MEGF11: variants seen among roughly 807,000 people sequenced by gnomAD.
MEGF11 encodes the protein multiple EGF like domains 11.
In MEGF11, 126 loss-of-function variants were observed where a neutral mutation model predicts 146.6. The ratio of observed to expected loss-of-function variants is 0.86; its 90% confidence interval spans 0.74 to 1.00. The LOEUF (loss-of-function observed/expected upper bound fraction) is 1.00. MEGF11 is among the 50% of genes least tolerant of loss of function. The pLI is 0.00. For missense variants in MEGF11, 1,509 were observed against 1,521.2 expected (o/e 0.99, Z 0.13); for synonymous variants, 532 against 583.4 (o/e 0.91, Z 1.27).
chr15:65,919,711 A>G (rs2079115446), intron 15 of MEGF11, among the ~76,000 whole-genome samples: 1 of 152,108 alleles, frequency 6.6e-6, no homozygotes, highest in East Asian at 1.9e-4. Flanking sequence ...GCTTACTGCA[A>G]CCTTTTCCTC....
At chr15:66,040,913 C>CTT (rs11374661) in intron 5 of MEGF11, among the ~76,000 whole-genome samples, 112 of 144,662 alleles carry the variant, frequency 7.7e-4, no homozygotes, top group African/African-American at 9.6e-4. Context: ...GAGGAAGGGA[C>CTT]TTTTTTTTTT....
rs554998010 is a variant in MEGF11 at position 66,103,312 on chromosome 15, C to T, written c.302-8818G>A. Among the ~76,000 whole-genome samples, 19 of 152,296 alleles carry T rather than the reference C, an allele frequency of 1.2e-4. 2 individuals carry two copies. The highest frequency in any genetic ancestry group is 3.1e-4 in the African/African-American group (13 of 41,552). The stretch of plus-strand genomic sequence containing the variant: ...GCTATAACGGAATGGTTATTATGAG[C>T]GTGAAAATGACACCAGATGCCTGGG... On this transcript the variant is annotated intron_variant, in intron 4 of 25. Transcript: ENST00000395614.
At chr15:66,191,443 G>T (rs2090875058) in intron 1 of MEGF11, among the ~76,000 whole-genome samples, 1 of 152,244 alleles carries the variant, frequency 6.6e-6, no homozygotes, top group Admixed American at 6.5e-5. Context: ...GCCTCTGGGG[G>T]AAGAAAATCT....
intron 5 of MEGF11, among the ~76,000 whole-genome samples, chr15:66,057,900 G>A (rs1441105079): frequency 6.6e-6 from 1 of 152,110 alleles, no homozygotes; most frequent in Non-Finnish European, 1.5e-5. Flanking sequence ...TAGTTTATCA[G>A]GAACAGTTAT....
chr15:65,899,553 G>A (rs995530016), intron 24 of MEGF11, among the ~76,000 whole-genome samples: 3 of 152,170 alleles, frequency 2.0e-5, no homozygotes, highest in African/African-American at 7.2e-5. Context: ...GAAGAAGTAG[G>A]CATGCATGTT....
At chr15:65,929,929 G>A (rs1220882825) in intron 11 of MEGF11, 46 bp from the exon 12 acceptor site, 3 of 1,551,068 alleles carry the variant, frequency 1.9e-6, no homozygotes, top group South Asian at 1.2e-5. Context: ...CAGGCCCAGT[G>A]TGTCTTTTTT....
chr15:66,007,577 T>A lies in MEGF11; in HGVS notation c.395-25089A>T, dbSNP rs975415663. On this transcript the variant is annotated intron_variant, in intron 5 of 25. Coordinates refer to ENST00000395614, the MANE Select transcript of MEGF11 (RefSeq NM_001385028.1). ...CCAGCCTAGGAAACATGGAAAAACC[T>A]TATCTTTACAAAAAATACAAAAATT... Among the ~76,000 whole-genome samples, 4 of 152,222 alleles carry A rather than the reference T, an allele frequency of 2.6e-5. No homozygotes were observed. The South Asian group carries it at 8.3e-4, about 32-fold the overall frequency.
chr15:65,948,840 T>A (rs1201831058), intron 10 of MEGF11, among the ~76,000 whole-genome samples: 1 of 152,114 alleles, frequency 6.6e-6, no homozygotes, highest in Non-Finnish European at 1.5e-5. Flanking sequence ...TGTGTGTGTG[T>A]GTGTCTTATT....
chr15:65,950,447 G>A (rs1402368326), intron 10 of MEGF11, among the ~76,000 whole-genome samples: 1 of 152,044 alleles, frequency 6.6e-6, no homozygotes, highest in Non-Finnish European at 1.5e-5. Flanking sequence ...GCATGATGGC[G>A]TGCACCTGTA....
chr15:66,100,889 C>T (rs1300222854), intron 4 of MEGF11, among the ~76,000 whole-genome samples: 18 of 145,370 alleles, frequency 1.2e-4, no homozygotes, highest in Non-Finnish European at 6.1e-5. Flanking sequence ...GGTGAGTGAG[C>T]GAGCGTGTGG....
chr15:66,038,867 G>A (rs2083833026), intron 5 of MEGF11, among the ~76,000 whole-genome samples: 1 of 152,150 alleles, frequency 6.6e-6, no homozygotes, highest in African/African-American at 2.4e-5. Flanking sequence ...CAAAGCAGGA[G>A]GGGAAAAAAG....
intron 9 of MEGF11, among the ~76,000 whole-genome samples, chr15:65,959,822 G>A (rs1010438896): frequency 2.0e-5 from 3 of 152,174 alleles, no homozygotes; most frequent in African/African-American, 7.2e-5. Context: ...TTCACAGATG[G>A]CATTTAGAGG....
chr15:66,156,311 C>T (rs1173478368), intron 1 of MEGF11, among the ~76,000 whole-genome samples: 2 of 152,136 alleles, frequency 1.3e-5, no homozygotes, highest in African/African-American at 4.8e-5. Context: ...CTTGGTTCTA[C>T]TGTACTCCAT....
chr15:65,979,130 T>C, intron 7 of MEGF11, among the ~76,000 whole-genome samples: 1 of 151,962 alleles, frequency 6.6e-6, no homozygotes, highest in Middle Eastern at 3.2e-3. Flanking sequence ...CAGAAGGAAG[T>C]CCTATGGTCT....
At chr15:65,955,823 A>AATATATATATATAT (rs71139451) in intron 10 of MEGF11, among the ~76,000 whole-genome samples, 1 of 40,202 alleles carries the variant, frequency 2.5e-5, no homozygotes, top group African/African-American at 9.9e-5. Context: ...CAATACTTTA[A>AATATATATATATAT]ATATATAACA....
At chr15:66,113,675 C>T (rs1484351792) in intron 4 of MEGF11, among the ~76,000 whole-genome samples, 3 of 152,074 alleles carry the variant, frequency 2.0e-5, no homozygotes, top group Non-Finnish European at 2.9e-5. Flanking sequence ...GGGTGGATCA[C>T]GAGGTCAGGA....
Position 66,123,882 on chromosome 15 carries a change from C to A in MEGF11, c.200+17G>T. 6.2e-7 allele frequency: 1 copy of A among 1,605,112 alleles called. No homozygotes were observed. The highest frequency in any genetic ancestry group is 8.5e-7 in the Non-Finnish European group (1 of 1,171,782). On this transcript the variant is annotated intron_variant, in intron 3 of 25. Transcript: ENST00000395614. ...CAGTGCCTTTTCCCTGCCCCATCAT[C>A]TGAGAGAGGTACTCACCGGTGCCTG...
intron 5 of MEGF11, among the ~76,000 whole-genome samples, chr15:66,017,719 T>C (rs957117414): frequency 6.6e-5 from 10 of 152,222 alleles, no homozygotes; most frequent in African/African-American, 2.4e-4. Flanking sequence ...TATTTGCTGA[T>C]GTCTTTGCTC....
At chr15:66,249,948 C>T (rs1045142230) in intron 1 of MEGF11, among the ~76,000 whole-genome samples, 3 of 152,228 alleles carry the variant, frequency 2.0e-5, no homozygotes, top group Non-Finnish European at 4.4e-5. Context: ...TATCAGGGAA[C>T]ACCTGGATTC....
Sources: gnomAD v4.1 joint callset for allele counts (sites outside exome capture counted in the v4.1 genomes callset) on GRCh38, gnomAD v4.1.1 for gene constraint, MANE v1.5 for transcripts, NCBI Gene and HGNC (gene_info 2026-07-23, HGNC 2026-07-21) for gene names.